Variants in PTPRM observed in about 807,000 individuals in gnomAD.
The protein encoded by PTPRM is protein tyrosine phosphatase receptor type M, also known as receptor-type tyrosine-protein phosphatase mu.
PTPRM carries 47 observed loss-of-function variants against 186.7 expected under a neutral mutation model. That is an observed-to-expected ratio of 0.25 (90% CI 0.20 to 0.32). The LOEUF is 0.32. Among genes scored for constraint, PTPRM ranks in the 10% least tolerant of loss-of-function variants. The pLI is 1.00. For missense variants in PTPRM, 1,494 were observed against 1,865.0 expected (o/e 0.80, Z 3.66); for synonymous variants, 668 against 674.9 (o/e 0.99, Z 0.16).
intron 1 of PTPRM, among the ~76,000 whole-genome samples, chr18:7,631,158 T>C (rs1163191313): frequency 6.6e-6 from 1 of 152,220 alleles, no homozygotes; most frequent in East Asian, 1.9e-4. Flanking sequence ...GTCATGAGAT[T>C]ACAAAGTAAT....
At chr18:7,873,159 A>G (rs1449845209) in intron 2 of PTPRM, among the ~76,000 whole-genome samples, 1 of 152,232 alleles carries the variant, frequency 6.6e-6, no homozygotes, top group Non-Finnish European at 1.5e-5. Flanking sequence ...CATCATAAGC[A>G]TAGTGAGTTT....
At chr18:7,649,439 A>T (rs535388581) in intron 1 of PTPRM, among the ~76,000 whole-genome samples, 19 of 152,274 alleles carry the variant, frequency 1.2e-4, no homozygotes, top group Admixed American at 1.2e-3. Context: ...TCTCTGATTG[A>T]TCTGGGCAAA....
intron 7 of PTPRM, among the ~76,000 whole-genome samples, chr18:8,003,926 C>T (rs1291647879): frequency 6.6e-6 from 1 of 152,176 alleles, no homozygotes; most frequent in African/African-American, 2.4e-5. Context: ...CATAGAAGCA[C>T]CAAGTTCAGT....
chr18:8,119,393 A>G (rs965679683), intron 13 of PTPRM, among the ~76,000 whole-genome samples: 1 of 152,204 alleles, frequency 6.6e-6, no homozygotes, highest in Non-Finnish European at 1.5e-5. Context: ...AACTGAAAAG[A>G]ATGTCTGTTG....
intron 19 of PTPRM, among the ~76,000 whole-genome samples, chr18:8,256,509 A>G (rs950796109): frequency 3.9e-5 from 6 of 152,242 alleles, no homozygotes; most frequent in Non-Finnish European, 7.3e-5. Flanking sequence ...ATACTAATGT[A>G]TAATAAGACC....
intron 5 of PTPRM, among the ~76,000 whole-genome samples, chr18:7,946,242 A>G (rs2052516347): frequency 6.6e-6 from 1 of 152,230 alleles, no homozygotes; most frequent in Non-Finnish European, 1.5e-5. Flanking sequence ...CAAACTTGAA[A>G]TTGTTTTTGA....
intron 2 of PTPRM, among the ~76,000 whole-genome samples, chr18:7,794,585 G>A (rs1452841866): frequency 1.3e-5 from 2 of 152,146 alleles, no homozygotes; most frequent in African/African-American, 4.8e-5. Flanking sequence ...TACTATAAGG[G>A]ATAGAGACTT....
At chr18:8,329,365 G>A (rs1344748357) in intron 22 of PTPRM, among the ~76,000 whole-genome samples, 4 of 152,152 alleles carry the variant, frequency 2.6e-5, no homozygotes, top group Admixed American at 6.5e-5. Flanking sequence ...ATGGACTAAC[G>A]TTCATATTTT....
chr18:7,711,320 A>G (rs1488258550), intron 1 of PTPRM, among the ~76,000 whole-genome samples: 2 of 152,006 alleles, frequency 1.3e-5, no homozygotes, highest in East Asian at 1.9e-4. Context: ...CGCTTTTCTC[A>G]TCGTCTTCAC....
At chr18:7,948,850 A>G (rs1219383823) in intron 5 of PTPRM, among the ~76,000 whole-genome samples, 1 of 152,236 alleles carries the variant, frequency 6.6e-6, no homozygotes, top group Non-Finnish European at 1.5e-5. Flanking sequence ...AAAGTGCTAT[A>G]AGACCAAATG....
At chr18:7,983,295 G>T (rs138268623) in intron 7 of PTPRM, among the ~76,000 whole-genome samples, 2,006 of 152,112 alleles carry the variant, frequency 0.013, 15 homozygotes, top group South Asian at 0.034. Flanking sequence ...AAGCTCCTTA[G>T]GAGAATCTAG....
At chr18:7,794,013 A>G (rs2145241426) in intron 2 of PTPRM, among the ~76,000 whole-genome samples, 1 of 152,286 alleles carries the variant, frequency 6.6e-6, no homozygotes, top group South Asian at 2.1e-4. Context: ...AGCCTGGGGC[A>G]GTTGGAGGAG....
intron 2 of PTPRM, among the ~76,000 whole-genome samples, chr18:7,873,482 C>T (rs2048077577): frequency 6.6e-6 from 1 of 152,172 alleles, no homozygotes; most frequent in South Asian, 2.1e-4. Flanking sequence ...TATAAAATGA[C>T]AATACTTCTC....
chr18:7,729,990 A>G (rs2144389010), intron 1 of PTPRM, among the ~76,000 whole-genome samples: 1 of 152,086 alleles, frequency 6.6e-6, no homozygotes, highest in East Asian at 1.9e-4. Flanking sequence ...ATATTTATGG[A>G]AAAAAAATCT....
intron 13 of PTPRM, among the ~76,000 whole-genome samples, chr18:8,122,630 G>A (rs979347291): frequency 3.3e-5 from 5 of 152,078 alleles, no homozygotes; most frequent in African/African-American, 1.2e-4. Context: ...CATCAAACAG[G>A]GTTTCCAACA....
intron 11 of PTPRM, among the ~76,000 whole-genome samples, chr18:8,106,565 G>A (rs1438029130): frequency 6.6e-6 from 1 of 152,192 alleles, no homozygotes; most frequent in Non-Finnish European, 1.5e-5. Context: ...TTGGTGTGAT[G>A]TATTTCTGAC....
chr18:8,140,089 C>T (rs886727251), intron 13 of PTPRM, among the ~76,000 whole-genome samples: 1 of 152,172 alleles, frequency 6.6e-6, no homozygotes, highest in Admixed American at 6.5e-5. Context: ...GCTGTCCCTG[C>T]GGCTCTTCCT....
At chr18:7,842,053 C>G (rs554927369) in intron 2 of PTPRM, among the ~76,000 whole-genome samples, 17 of 152,032 alleles carry the variant, frequency 1.1e-4, no homozygotes, top group African/African-American at 4.1e-4. Flanking sequence ...GGTGAGGGCA[C>G]CTGGAGCTGA....
At chr18:7,878,596 C>T (rs1277262659) in intron 2 of PTPRM, among the ~76,000 whole-genome samples, 1 of 152,172 alleles carries the variant, frequency 6.6e-6, no homozygotes, top group Non-Finnish European at 1.5e-5. Context: ...GTGTCAAAGA[C>T]AGACCTTTAA....
Sources: allele counts gnomAD v4.1 joint callset (sites outside exome capture counted in the v4.1 genomes callset), GRCh38; gene constraint gnomAD v4.1.1; transcripts MANE v1.5; gene names NCBI Gene and HGNC (gene_info 2026-07-23, HGNC 2026-07-21).